CHRDL2: variants seen among roughly 807,000 people sequenced by gnomAD.
CHRDL2 encodes chordin-like protein 2.
Under a neutral mutation model 54.3 loss-of-function variants are expected in CHRDL2, and 41 were observed. The observed-to-expected ratio is 0.76, with a 90% confidence interval of 0.59 to 0.98. The LOEUF (loss-of-function observed/expected upper bound fraction) is 0.98. Among genes scored for constraint, CHRDL2 ranks in the 50% least tolerant of loss-of-function variants. CHRDL2 has a pLI of 0.00. For synonymous variants in CHRDL2, 220 were observed against 224.3 expected, an observed-to-expected ratio of 0.98 and a Z score of 0.17; for missense variants, 518 against 562.4, an observed-to-expected ratio of 0.92 and a Z score of 0.80.
intron 1 of CHRDL2, among the ~76,000 whole-genome samples, chr11:74,722,567 T>A (rs897795360): frequency 2.0e-4 from 30 of 152,214 alleles, no homozygotes; most frequent in Admixed American, 6.5e-4. Flanking sequence ...AAAACAGATC[T>A]GGGCACTGAC....
In CHRDL2 at chr11:74,703,379, C is replaced by T. The variant is rs200003845; in HGVS notation, c.872G>A (p.Arg291His). ...TCEDGRQDCQ[R>H]VTCPTEYPCR... is the part of the protein sequence containing the mutation. Reference sequence around the variant, plus strand: ...GGGGTACTCGGTGGGACAGGTCACACGCTGGCAGTCCTGGCGGCCATCCTC... The same window carrying T: ...GGGGTACTCGGTGGGACAGGTCACATGCTGGCAGTCCTGGCGGCCATCCTC... The change falls in exon 8 of 11, where the codon CGT becomes CAT. Residue 291 changes from arginine (R) to histidine (H), a missense_variant. Coordinates refer to ENST00000376332, the MANE Select transcript of CHRDL2 (RefSeq NM_001278473.3). 58 of 1,613,706 alleles carry T rather than the reference C, an allele frequency of 3.6e-5. No individual in the cohort carries two copies. Among genetic ancestry groups the T allele is most frequent in the South Asian group, 2.5e-4 (23 of 91,056 alleles).
In CHRDL2 at chr11:74,696,497, G is replaced by A; in HGVS notation, c.*12C>T. ...AATTATACAGCTCATATCTGCAACT[G>A]TTAGGTCTTTGTTATGTCTTGGTCA... On this transcript the variant is annotated 3_prime_UTR_variant, in exon 11 of 11. Transcript: ENST00000376332. 6.2e-7 allele frequency: 1 copy of A among 1,605,580 alleles called. No homozygotes were observed.
At chr11:74,702,718 G>A (rs2033860530) in intron 9 of CHRDL2, 76 bp downstream of exon 9, 4 of 1,491,858 alleles carry the variant, frequency 2.7e-6, no homozygotes, top group Non-Finnish European at 2.8e-6. Flanking sequence ...ACGTCCCTAA[G>A]GCCCCTGTGG....
rs150223294 is a variant in CHRDL2 at position 74,722,915 on chromosome 11, C to T, written c.83-4083G>A. Among the ~76,000 whole-genome samples, 9 of 152,116 alleles carry T rather than the reference C, an allele frequency of 5.9e-5. No homozygotes were observed. The East Asian group carries it at 1.7e-3, about 29-fold the overall frequency. On this transcript the variant is annotated intron_variant, in intron 1 of 10. Transcript: ENST00000376332. ...GTCTGGAAGGAGAAGCAGAGGCTCA[C>T]GGAGGTCTTTGAGAGCCTGAGAGGC... is the stretch of plus-strand genomic sequence containing the variant.
chr11:74,717,500 A>C (rs2034392683), intron 2 of CHRDL2, among the ~76,000 whole-genome samples: 1 of 152,210 alleles, frequency 6.6e-6, no homozygotes, highest in South Asian at 2.1e-4. Flanking sequence ...TGCTAAGGCA[A>C]ACCGAGGGGA....
At chr11:74,698,709 ACACACACACACACCC>A (rs2033692905) in intron 9 of CHRDL2, 1 of 147,586 alleles carries the variant, frequency 6.8e-6, no homozygotes, top group South Asian at 2.1e-4. Flanking sequence ...ACACACACAC[ACACACACACACACCC>A]CACATACCCA....
intron 1 of CHRDL2, among the ~76,000 whole-genome samples, chr11:74,721,332 C>T (rs1350581600): frequency 1.3e-5 from 2 of 152,254 alleles, no homozygotes; most frequent in African/African-American, 4.8e-5. Flanking sequence ...TGGGGCAGCC[C>T]TGTAGCCCAG....
At chr11:74,721,327 C>T (rs1439177261) in intron 1 of CHRDL2, among the ~76,000 whole-genome samples, 1 of 152,236 alleles carries the variant, frequency 6.6e-6, no homozygotes, top group African/African-American at 2.4e-5. Context: ...TTCCTTGGGG[C>T]AGCCCTGTAG....
chr11:74,703,857 C>T (rs940241138), intron 7 of CHRDL2, among the ~76,000 whole-genome samples: 1 of 152,184 alleles, frequency 6.6e-6, no homozygotes, highest in Admixed American at 6.5e-5. Context: ...CCCTTTCCCC[C>T]CTCTGCCTCA....
chr11:74,708,231 C>T (rs886524923), intron 5 of CHRDL2, 71 bp downstream of exon 5: 52 of 1,113,436 alleles, frequency 4.7e-5, no homozygotes, highest in Non-Finnish European at 6.3e-5. Flanking sequence ...CCTCACGGCT[C>T]TCACAGTCCA....
chr11:74,711,846 T>A (rs2034203206), intron 3 of CHRDL2, among the ~76,000 whole-genome samples: 1 of 151,916 alleles, frequency 6.6e-6, no homozygotes, highest in Non-Finnish European at 1.5e-5. Flanking sequence ...GGTCCTGCTC[T>A]GTCACCAGGC....
At chr11:74,709,201 G>C (rs1199919896) in intron 4 of CHRDL2, among the ~76,000 whole-genome samples, 1 of 152,192 alleles carries the variant, frequency 6.6e-6, no homozygotes, top group Non-Finnish European at 1.5e-5. Context: ...CAGGGAGAAT[G>C]AACAGAGGAA....
chr11:74,705,261 G>A (rs1046975682), intron 6 of CHRDL2, among the ~76,000 whole-genome samples: 1 of 152,328 alleles, frequency 6.6e-6, no homozygotes, highest in Middle Eastern at 3.4e-3. Context: ...GGCTGTCAGT[G>A]ACAGCAATAG....
intron 3 of CHRDL2, among the ~76,000 whole-genome samples, chr11:74,712,049 A>T (rs1274498172): frequency 5.9e-5 from 9 of 151,926 alleles, no homozygotes; most frequent in Admixed American, 5.9e-4. Flanking sequence ...TGACCTTGTG[A>T]TCCGCCCGCC....
At chr11:74,710,751 C>T (rs920106702) in intron 4 of CHRDL2, 98 bp downstream of exon 4, 11 of 1,437,392 alleles carry the variant, frequency 7.7e-6, no homozygotes, top group Non-Finnish European at 9.3e-6. Flanking sequence ...TTTGCTTTGG[C>T]CAGGAGGAAC....
chr11:74,710,472 C>T (rs910872521), intron 4 of CHRDL2, among the ~76,000 whole-genome samples: 2 of 152,218 alleles, frequency 1.3e-5, no homozygotes, highest in African/African-American at 2.4e-5. Context: ...GGCCCTGTCT[C>T]TGTCCCCCAG....
chr11:74,712,998 T>C (rs556246202), intron 3 of CHRDL2, among the ~76,000 whole-genome samples: 31 of 152,244 alleles, frequency 2.0e-4, no homozygotes, highest in Admixed American at 1.1e-3. Context: ...CAGTGGTAAT[T>C]CTGGGGTCTC....
At chr11:74,705,458 G>C (rs1039346100) in intron 6 of CHRDL2, among the ~76,000 whole-genome samples, 3 of 152,204 alleles carry the variant, frequency 2.0e-5, no homozygotes, top group Non-Finnish European at 4.4e-5. Context: ...CGATGGCCCA[G>C]AGCCTGAGCT....
At position 74,710,888 on chromosome 11, in the gene CHRDL2, G is replaced by A. The variant is rs758053836; in HGVS notation, c.393C>T (p.Pro131=). The change falls in exon 4 of 11, where the codon CCC becomes CCT. Residue 131 remains proline, a synonymous_variant. Transcript: ENST00000376332. The part of the protein sequence containing the change: ...GEIFSAHELF[P]SRLPNQCVLC... Reference sequence around the variant, plus strand: ...GGACACACTGGTTGGGCAGGCGGGAGGGGAACAGCTCATGGGCACTGAAGA... The same window carrying A: ...GGACACACTGGTTGGGCAGGCGGGAAGGGAACAGCTCATGGGCACTGAAGA... 6.2e-7 allele frequency: 1 copy of A among 1,614,114 alleles called. No homozygotes were observed. Among genetic ancestry groups the A allele is most frequent in the Non-Finnish European group, 8.5e-7 (1 of 1,180,012 alleles).
Sources: gnomAD v4.1 joint callset for allele counts (sites outside exome capture counted in the v4.1 genomes callset) on GRCh38, gnomAD v4.1.1 for gene constraint, MANE v1.5 for transcripts, NCBI Gene and HGNC (gene_info 2026-07-23, HGNC 2026-07-21) for gene names.